EHMT1: variants seen among roughly 807,000 people sequenced by gnomAD.
EHMT1 encodes the protein histone-lysine N-methyltransferase EHMT1.
A neutral mutation model predicts 147.2 loss-of-function variants in EHMT1; 15 were observed. The observed-to-expected ratio is 0.10, with a 90% CI of 0.07 to 0.16. The LOEUF is 0.16. Among genes scored for constraint, EHMT1 ranks in the 10% least tolerant of loss-of-function variants. EHMT1 has a pLI of 1.00. For synonymous variants in EHMT1, 795 were observed against 709.6 expected, an observed-to-expected ratio of 1.12 and a Z score of -1.91; for missense variants, 1,587 against 1,772.4, an observed-to-expected ratio of 0.90 and a Z score of 1.88.
intron 7 of EHMT1, among the ~76,000 whole-genome samples, chr9:137,753,087 C>T (rs996792536): frequency 6.6e-6 from 1 of 152,072 alleles, no homozygotes; most frequent in African/African-American, 2.4e-5. Flanking sequence ...AGGAAGCCCC[C>T]AGCCTGTGAG....
At chr9:137,722,382 T>A (rs1412470159) in intron 3 of EHMT1, among the ~76,000 whole-genome samples, 2 of 152,230 alleles carry the variant, frequency 1.3e-5, no homozygotes, top group Non-Finnish European at 2.9e-5. Context: ...TTAGTGAACA[T>A]TCACAGGCTG....
At chr9:137,624,246 C>A (rs557925961) in intron 1 of EHMT1, among the ~76,000 whole-genome samples, 2 of 151,280 alleles carry the variant, frequency 1.3e-5, no homozygotes, top group East Asian at 3.9e-4. Flanking sequence ...TGTGATCTGC[C>A]CACCTCAGCC....
At position 137,715,504 on chromosome 9, in the gene EHMT1, G is replaced by A. The variant is rs372527437; in HGVS notation, c.86-1122G>A. ...ACAGATGATCAGGTCTGTTGTGCTCGAGGTGATAAGCACCAGGAAGAACAG... is the reference window on the plus strand; with the variant it reads ...ACAGATGATCAGGTCTGTTGTGCTCAAGGTGATAAGCACCAGGAAGAACAG... On this transcript the variant is annotated intron_variant, in intron 2 of 26. Transcript: ENST00000460843. 8 of 978,384 alleles carry A rather than the reference G, an allele frequency of 8.2e-6. No homozygotes were observed. In the African/African-American group the frequency reaches 1.4e-4, roughly 17 times the overall value. The allele number at this position is 978,384 out of a possible 1,614,324, so 60.6% of individuals were successfully genotyped here.
intron 10 of EHMT1, among the ~76,000 whole-genome samples, chr9:137,765,185 C>T (rs1428961131): frequency 1.3e-5 from 2 of 152,232 alleles, no homozygotes; most frequent in Admixed American, 6.5e-5. Flanking sequence ...CCTGCAAGTA[C>T]AGGCTGGAAT....
chr9:137,777,971 G>C lies in EHMT1; in HGVS notation c.2108G>C (p.Gly703Ala), dbSNP rs1163778635. 6.2e-7 allele frequency: 1 copy of C among 1,613,816 alleles called. No individual in the cohort carries two copies. Reference protein sequence around the residue: ...PEGFDPTGPAGLGRPTPGLSQ... With the variant: ...PEGFDPTGPAALGRPTPGLSQ... ...GGCTTTGATCCAACGGGACCTGCTG[G>C]GCTTGGGAGGCCAACTCCCGGCCTT... Residue 703 changes from glycine to alanine, a missense_variant, in exon 13 of 27, where the codon GGG becomes GCG. Around this residue, in one of 7 missense-constraint regions of EHMT1, gnomAD observed 77 missense variants for 79.3 expected, o/e 0.97. Transcript: ENST00000460843.
chr9:137,654,681 T>G (rs1938244285), intron 1 of EHMT1, among the ~76,000 whole-genome samples: 1 of 152,132 alleles, frequency 6.6e-6, no homozygotes, highest in Non-Finnish European at 1.5e-5. Flanking sequence ...TGGGCCAGAC[T>G]GGAGAGGGTG....
intron 25 of EHMT1, among the ~76,000 whole-genome samples, chr9:137,826,614 T>A (rs1027723663): frequency 1.3e-5 from 2 of 152,250 alleles, no homozygotes; most frequent in African/African-American, 4.8e-5. Context: ...CCCCACCGCC[T>A]GGCTCATGGA....
chr9:137,789,273 TCTGCGCTTCCGC>T (rs1172599947), intron 15 of EHMT1: 1 of 152,432 alleles, frequency 6.6e-6, no homozygotes, highest in Non-Finnish European at 1.5e-5. Flanking sequence ...CTCGGGTCTG[TCTGCGCTTCCGC>T]CTGCGCTGCC....
intron 1 of EHMT1, among the ~76,000 whole-genome samples, chr9:137,682,498 C>T (rs1303732563): frequency 6.6e-6 from 1 of 152,122 alleles, no homozygotes; most frequent in East Asian, 1.9e-4. Flanking sequence ...GCTGCTGTAG[C>T]GAGCGTCTCC....
At chr9:137,722,563 C>G (rs142266173) in intron 3 of EHMT1, among the ~76,000 whole-genome samples, 17 of 152,272 alleles carry the variant, frequency 1.1e-4, no homozygotes, top group Admixed American at 1.1e-3. Context: ...GTGGGCCCCA[C>G]GGAGGTGGTG....
At chr9:137,758,119 C>A (rs3123518) in intron 9 of EHMT1, 108 bp downstream of exon 9, 1 of 1,455,328 alleles carries the variant, frequency 6.9e-7, no homozygotes, top group Non-Finnish European at 9.6e-7. Flanking sequence ...AGTAGAAGAT[C>A]GGGTTAACTG....
At position 137,716,618 on chromosome 9, in the gene EHMT1, G is replaced by C. The variant is rs1371128965; in HGVS notation, c.86-8G>C. The C allele has an allele frequency of 4.5e-6, 7 of 1,547,228 alleles. No homozygotes were observed. Among genetic ancestry groups the C allele is most frequent in the Middle Eastern group, 1.7e-4 (1 of 5,724 alleles). ...TGCAGTCAGTGACACTCGTTTCTTT[G>C]TTGGCAGAGACACCTATGGCTGCCG... On this transcript the variant is annotated splice_polypyrimidine_tract_variant and splice_region_variant and intron_variant, in intron 2 of 26. Coordinates refer to ENST00000460843, the MANE Select transcript of EHMT1 (RefSeq NM_024757.5).
At chr9:137,689,054 G>A (rs1440634380) in intron 1 of EHMT1, among the ~76,000 whole-genome samples, 1 of 152,048 alleles carries the variant, frequency 6.6e-6, no homozygotes. Flanking sequence ...TCCCCCAGGA[G>A]TGACTGTGAC....
At chr9:137,769,645 C>T (rs1950467971) in intron 10 of EHMT1, among the ~76,000 whole-genome samples, 1 of 152,040 alleles carries the variant, frequency 6.6e-6, no homozygotes, top group African/African-American at 2.4e-5. Context: ...CTCTGTCTGC[C>T]ACCAATATTT....
At chr9:137,716,508 G>T (rs1945300222) in intron 2 of EHMT1, 118 bp from the exon 3 acceptor site, 1 of 651,142 alleles carries the variant, frequency 1.5e-6, no homozygotes, top group Admixed American at 3.1e-5. Context: ...AAGTTGTGGT[G>T]GTGTCATGGT....
chr9:137,829,127 AC>A (rs1363570254), intron 25 of EHMT1, among the ~76,000 whole-genome samples: 5 of 151,950 alleles, frequency 3.3e-5, no homozygotes, highest in Admixed American at 3.3e-4. Context: ...CACTGCCACC[AC>A]CTGTCTGCCA....
In EHMT1 at chr9:137,732,948, C is replaced by A. The variant is rs767375010; in HGVS notation, c.823+4419C>A. On this transcript the variant is annotated intron_variant, in intron 4 of 26. Transcript: ENST00000460843. The surrounding 1 kb of genome is among the most constrained non-coding windows in gnomAD (Gnocchi z 4.6). ...TTCTGCTCTTTCCCTCCTGCTACCC[C>A]CTTAAGTTTACCACAGGCAGGAAAG... Among the ~76,000 whole-genome samples the A allele has an allele frequency of 3.0e-4, 45 of 152,296 alleles. No homozygotes were observed. Among genetic ancestry groups the A allele is most frequent in the Non-Finnish European group, 4.0e-4 (27 of 68,032 alleles).
intron 23 of EHMT1, chr9:137,816,530 GAGTAA>G: frequency 4.2e-6 from 1 of 237,538 alleles, no homozygotes. Flanking sequence ...GACGCTCATG[GAGTAA>G]GGCTTGCCCA....
At chr9:137,751,639 A>T (rs1200365335) in intron 6 of EHMT1, among the ~76,000 whole-genome samples, 1 of 152,256 alleles carries the variant, frequency 6.6e-6, no homozygotes, top group Non-Finnish European at 1.5e-5. Context: ...GCCTGTGCTT[A>T]TAGAAAAGAT....
Sources: allele counts gnomAD v4.1 joint callset (sites outside exome capture counted in the v4.1 genomes callset), GRCh38; gene constraint gnomAD v4.1.1; regional missense constraint gnomAD v4.1.1; non-coding constraint Gnocchi (gnomAD v3.1); transcripts MANE v1.5; gene names NCBI Gene and HGNC (gene_info 2026-07-23, HGNC 2026-07-21).